Variants in TEK observed in about 807,000 individuals in gnomAD.
The protein encoded by TEK is angiopoietin-1 receptor.
Under a neutral mutation model 131.8 loss-of-function variants are expected in TEK, and 43 were observed. The observed-to-expected ratio is 0.33, with a 90% CI of 0.26 to 0.42. The LOEUF is 0.42. TEK is among the 10% of genes least tolerant of loss of function. The pLI is 1.00. For missense variants in TEK, 1,162 were observed against 1,384.4 expected, an observed-to-expected ratio of 0.84 and a Z score of 2.55; for synonymous variants, 580 against 491.6, an observed-to-expected ratio of 1.18 and a Z score of -2.38.
At chr9:27,151,755 C>T (rs1823135220) in intron 1 of TEK, among the ~76,000 whole-genome samples, 1 of 152,152 alleles carries the variant, frequency 6.6e-6, no homozygotes, top group African/African-American at 2.4e-5. Flanking sequence ...GGGCCAAGTG[C>T]AGTACTGGGC....
intron 15 of TEK, among the ~76,000 whole-genome samples, chr9:27,208,152 A>G (rs1019305270): frequency 1.3e-5 from 2 of 152,182 alleles, no homozygotes; most frequent in Non-Finnish European, 2.9e-5. Context: ...ACTGAAGTGG[A>G]CAACCTCACT....
intron 1 of TEK, among the ~76,000 whole-genome samples, chr9:27,154,729 C>A (rs1037778759): frequency 6.6e-6 from 1 of 152,164 alleles, no homozygotes; most frequent in African/African-American, 2.4e-5. Flanking sequence ...CCTTCTGGTA[C>A]TGTAAATGGG....
At chr9:27,121,320 C>T (rs1821779107) in intron 1 of TEK, among the ~76,000 whole-genome samples, 1 of 152,086 alleles carries the variant, frequency 6.6e-6, no homozygotes, top group African/African-American at 2.4e-5. Flanking sequence ...GAGTGAAACT[C>T]TGTCTCAAAA....
intron 2 of TEK, among the ~76,000 whole-genome samples, chr9:27,159,283 C>T (rs1412186736): frequency 1.3e-5 from 2 of 152,154 alleles, no homozygotes; most frequent in Non-Finnish European, 2.9e-5. Flanking sequence ...ATCTACATTT[C>T]ATGTACATGA....
intron 1 of TEK, among the ~76,000 whole-genome samples, chr9:27,157,036 A>G (rs7856747): frequency 0.33 from 50,304 of 152,088 alleles, 8,852 homozygotes; most frequent in Non-Finnish European, 0.36. Context: ...AGAAAATAAC[A>G]TGAGAGGATT....
chr9:27,128,790 G>T (rs1450222336), intron 1 of TEK, among the ~76,000 whole-genome samples: 2 of 152,094 alleles, frequency 1.3e-5, no homozygotes, highest in Non-Finnish European at 2.9e-5. Context: ...TCTGCTATTG[G>T]TGTATAGGAA....
At chr9:27,159,984 A>T (rs1823483902) in intron 2 of TEK, among the ~76,000 whole-genome samples, 1 of 149,840 alleles carries the variant, frequency 6.7e-6, no homozygotes, top group Admixed American at 6.7e-5. Context: ...CATTACATAA[A>T]ATAATGACAT....
chr9:27,180,942 G>GT (rs1824346813), intron 7 of TEK, among the ~76,000 whole-genome samples: 1 of 151,930 alleles, frequency 6.6e-6, no homozygotes, highest in Non-Finnish European at 1.5e-5. Flanking sequence ...AAATTCAGTG[G>GT]TTTTTAGTAT....
intron 1 of TEK, among the ~76,000 whole-genome samples, chr9:27,133,297 G>A (rs540413033): frequency 6.0e-4 from 92 of 152,236 alleles, no homozygotes; most frequent in African/African-American, 2.2e-3. Flanking sequence ...CTTATTTTTA[G>A]GATCATTAAA....
rs10700803 is a variant in TEK at position 27,123,052 on chromosome 9, C to CAAAAA, written c.52+13432_52+13436dup. Reference sequence around the variant, plus strand: ...TGGGTGACAGAGCGAGACTCTGTCTCAAAAAAAAAAAAAAAAAAAAAAAAA... The same window carrying CAAAAA: ...TGGGTGACAGAGCGAGACTCTGTCTCAAAAAAAAAAAAAAAAAAAAAAAAAAAAAA... On this transcript the variant is annotated intron_variant, in intron 1 of 22. Transcript: ENST00000380036. Among the ~76,000 whole-genome samples, 159 of 34,696 alleles carry CAAAAA rather than the reference C, an allele frequency of 4.6e-3. 37 individuals carry two copies. The highest frequency in any genetic ancestry group is 0.017 in the African/African-American group (122 of 7,008). The allele number at this position is 34,696 out of a possible 152,430, so 22.8% of individuals were successfully genotyped here.
rs771630297 is a variant in TEK at position 27,173,331 on chromosome 9, C to T, written c.870C>T (p.Ala290=). ...CTGACCCCTATGGGTGTTCCTGTGC[C>T]ACAGGCTGGAAGGGTCTGCAGTGCA... The part of the protein sequence containing the change: ...CLPDPYGCSC[A]TGWKGLQCNE... Residue 290 remains alanine (A), a synonymous_variant, in exon 6 of 23, where the codon GCC becomes GCT. Coordinates refer to ENST00000380036, the MANE Select transcript of TEK (RefSeq NM_000459.5). 9.3e-6 allele frequency: 15 copies of T among 1,613,886 alleles called. 1 individual carries two copies. In the South Asian group the frequency reaches 1.1e-4, roughly 12 times the overall value.
chr9:27,152,429 T>A lies in TEK; in HGVS notation c.53-5402T>A, dbSNP rs145759268. On this transcript the variant is annotated intron_variant, in intron 1 of 22. Coordinates refer to ENST00000380036, the MANE Select transcript of TEK (RefSeq NM_000459.5). ...GGAATGTGGAAAAAAAAAAAAAAGC[T>A]AATTGGAGCAAGCATGTTGTGCTGC... 8.7e-3 allele frequency among the ~76,000 whole-genome samples: 1,315 copies of A among 150,532 alleles called. 12 individuals carry two copies. The highest frequency in any genetic ancestry group is 0.014 in the Non-Finnish European group (931 of 67,792).
intron 20 of TEK, 66 bp downstream of exon 20, chr9:27,218,883 C>A: frequency 6.9e-7 from 1 of 1,448,212 alleles, no homozygotes; most frequent in Non-Finnish European, 9.7e-7. Context: ...TCTAGCACTC[C>A]CTTGCTGCAT....
At chr9:27,185,452 A>G (rs1234568914) in intron 8 of TEK, 33 bp from the exon 9 acceptor site, 1 of 1,613,200 alleles carries the variant, frequency 6.2e-7, no homozygotes, top group Non-Finnish European at 8.5e-7. Context: ...GCCTCCCTAG[A>G]AGTTTTTATT....
At chr9:27,167,955 G>C (rs1048228735) in intron 2 of TEK, among the ~76,000 whole-genome samples, 2 of 151,910 alleles carry the variant, frequency 1.3e-5, no homozygotes, top group African/African-American at 2.4e-5. Context: ...GACTTAGTTT[G>C]ATAATAGGTA....
In TEK at chr9:27,157,898, A is replaced by G. The variant is rs1329130919; in HGVS notation, c.120A>G (p.Thr40=). 1.2e-6 allele frequency: 2 copies of G among 1,613,568 alleles called. No homozygotes were observed. The change falls in exon 2 of 23, where the codon ACA becomes ACG. Residue 40 remains threonine (T), a synonymous_variant. Coordinates refer to ENST00000380036, the MANE Select transcript of TEK (RefSeq NM_000459.5). ...TACCTCTTGTATCTGATGCTGAAACATCTCTCACCTGCATTGCCTCTGGGT... is the reference window on the plus strand; with the variant it reads ...TACCTCTTGTATCTGATGCTGAAACGTCTCTCACCTGCATTGCCTCTGGGT... ...NSLPLVSDAE[T]SLTCIASGWR...
intron 6 of TEK, among the ~76,000 whole-genome samples, chr9:27,178,308 C>G (rs760795338): frequency 1.3e-5 from 2 of 151,854 alleles, no homozygotes; most frequent in African/African-American, 4.8e-5. Context: ...AATTCTGTTC[C>G]GTTGGTCTAT....
intron 6 of TEK, among the ~76,000 whole-genome samples, chr9:27,176,615 C>G (rs944197870): frequency 6.6e-6 from 1 of 152,196 alleles, no homozygotes; most frequent in Non-Finnish European, 1.5e-5. Flanking sequence ...TTTGATATAT[C>G]TATACATTGT....
intron 1 of TEK, among the ~76,000 whole-genome samples, chr9:27,151,712 C>A (rs564674360): frequency 6.6e-6 from 1 of 152,104 alleles, no homozygotes; most frequent in Admixed American, 6.6e-5. Context: ...CTATAAGCTA[C>A]GAGACGGTTG....
Sources: gnomAD v4.1 joint callset for allele counts (sites outside exome capture counted in the v4.1 genomes callset) on GRCh38, gnomAD v4.1.1 for gene constraint, MANE v1.5 for transcripts, NCBI Gene and HGNC (gene_info 2026-07-23, HGNC 2026-07-21) for gene names.